GRM7: variants seen among roughly 807,000 people sequenced by gnomAD.
GRM7 encodes metabotropic glutamate receptor 7.
In GRM7, 35 loss-of-function variants were observed where a neutral mutation model predicts 84.5. The ratio of observed to expected loss-of-function variants is 0.41; its 90% CI spans 0.32 to 0.55. The LOEUF is 0.55. Ranked by LOEUF, GRM7 falls within the 20% of genes least tolerant of loss-of-function variation. GRM7 has a pLI of 0.19. For missense variants in GRM7, 1,003 were observed against 1,194.6 expected (o/e 0.84, Z 2.36); for synonymous variants, 487 against 455.1 (o/e 1.07, Z -0.89).
At chr3:7,228,941 G>T (rs1210401230) in intron 2 of GRM7, among the ~76,000 whole-genome samples, 1 of 152,210 alleles carries the variant, frequency 6.6e-6, no homozygotes, top group Non-Finnish European at 1.5e-5. Flanking sequence ...AATAACTTGA[G>T]AAATGTTGAC....
chr3:7,207,778 A>T (rs1696287481), intron 2 of GRM7, among the ~76,000 whole-genome samples: 1 of 152,240 alleles, frequency 6.6e-6, no homozygotes, highest in African/African-American at 2.4e-5. Flanking sequence ...TTAAAACACT[A>T]CTAGCACAAC....
intron 8 of GRM7, among the ~76,000 whole-genome samples, chr3:7,646,358 A>AT (rs1173403522): frequency 6.6e-6 from 1 of 151,900 alleles, no homozygotes; most frequent in Non-Finnish European, 1.5e-5. Flanking sequence ...CACTCGGCTA[A>AT]TTTTTTTGTA....
intron 8 of GRM7, among the ~76,000 whole-genome samples, chr3:7,670,084 G>A (rs1298631620): frequency 1.3e-5 from 2 of 152,112 alleles, no homozygotes; most frequent in East Asian, 1.9e-4. Context: ...GACAACACAC[G>A]GCACATTACC....
intron 1 of GRM7, among the ~76,000 whole-genome samples, chr3:6,880,225 C>CAATA (rs1356678351): frequency 1.3e-5 from 2 of 152,144 alleles, no homozygotes; most frequent in African/African-American, 4.8e-5. Flanking sequence ...CAAAGAACCC[C>CAATA]AAATTCTACT....
intron 2 of GRM7, among the ~76,000 whole-genome samples, chr3:7,199,625 G>A (rs1236917812): frequency 6.6e-6 from 1 of 152,310 alleles, no homozygotes; most frequent in African/African-American, 2.4e-5. Context: ...TGTCACTACT[G>A]TAGAGGCTTC....
intron 8 of GRM7, among the ~76,000 whole-genome samples, chr3:7,613,478 C>T (rs1696939966): frequency 4.6e-5 from 7 of 152,124 alleles, no homozygotes; most frequent in Admixed American, 4.6e-4. Flanking sequence ...ATCCCTGACG[C>T]TCAGAAAAAT....
At position 6,874,185 on chromosome 3, in the gene GRM7, C is replaced by T. The variant is rs953613700; in HGVS notation, c.519+12278C>T. On this transcript the variant is annotated intron_variant, in intron 1 of 9. Transcript: ENST00000357716. The stretch of plus-strand genomic sequence containing the variant: ...CTAGATCCTTCTAAAGCACTAGGCA[C>T]ATTGTTTGGCATATAGCAAGTGCTC... 3.3e-5 allele frequency among the ~76,000 whole-genome samples: 5 copies of T among 152,316 alleles called. No homozygotes were observed. In the South Asian group the frequency reaches 8.3e-4, roughly 25 times the overall value.
intron 8 of GRM7, among the ~76,000 whole-genome samples, chr3:7,665,478 C>T (rs1014268763): frequency 9.2e-5 from 14 of 152,016 alleles, no homozygotes; most frequent in Admixed American, 7.2e-4. Context: ...CCCGGCCTTG[C>T]CCATGATTCT....
intron 2 of GRM7, among the ~76,000 whole-genome samples, chr3:7,239,281 G>T (rs536206749): frequency 1.3e-5 from 2 of 152,010 alleles, no homozygotes; most frequent in African/African-American, 2.4e-5. Flanking sequence ...GTTTATATAC[G>T]TGAGCCACTG....
chr3:7,690,993 C>T (rs944651872), intron 9 of GRM7: 4 of 358,884 alleles, frequency 1.1e-5, no homozygotes, highest in African/African-American at 8.6e-5. Context: ...AGAGGTGACC[C>T]TTGTGACTCG....
At chr3:7,236,196 A>G (rs1191844711) in intron 2 of GRM7, among the ~76,000 whole-genome samples, 1 of 152,182 alleles carries the variant, frequency 6.6e-6, no homozygotes, top group Non-Finnish European at 1.5e-5. Context: ...ATCTATTAAT[A>G]CTATTGCATT....
chr3:7,694,432 C>A, intron 9 of GRM7: 3 of 944,592 alleles, frequency 3.2e-6, no homozygotes, highest in Non-Finnish European at 3.8e-6. Flanking sequence ...CATCCTGTAC[C>A]ACACATAATA....
chr3:7,071,983 A>G (rs1019432470), intron 1 of GRM7, among the ~76,000 whole-genome samples: 1 of 152,142 alleles, frequency 6.6e-6, no homozygotes. Context: ...GTAAAATGTT[A>G]AATTCAGTTT....
intron 5 of GRM7, among the ~76,000 whole-genome samples, chr3:7,431,086 A>T (rs1696810814): frequency 6.6e-6 from 1 of 152,144 alleles, no homozygotes; most frequent in Non-Finnish European, 1.5e-5. Context: ...CAGGGGTTCC[A>T]CATCTTCAGC....
rs184067688 is a variant in GRM7, at chr3:7,019,878, A to G, written c.520-126574A>G. On this transcript the variant is annotated intron_variant, in intron 1 of 9. Coordinates refer to ENST00000357716, the MANE Select transcript of GRM7 (RefSeq NM_000844.4). ...CAGAAAAACAATAACAACTATTTTT[A>G]GAGCACCTACTATATGGTCAGGTGG... 5.5e-4 allele frequency among the ~76,000 whole-genome samples: 84 copies of G among 152,368 alleles called. No individual in the cohort carries two copies. In the East Asian group the frequency reaches 0.011, roughly 20 times the overall value.
At chr3:7,725,105 T>C (rs940810648) in intron 9 of GRM7, among the ~76,000 whole-genome samples, 5 of 152,096 alleles carry the variant, frequency 3.3e-5, no homozygotes, top group African/African-American at 1.2e-4. Context: ...GAAAATACAT[T>C]GAAATATAAA....
At chr3:6,901,366 A>C (rs920288382) in intron 1 of GRM7, among the ~76,000 whole-genome samples, 1 of 152,008 alleles carries the variant, frequency 6.6e-6, no homozygotes, top group Admixed American at 6.5e-5. Context: ...TTGGGAGGCC[A>C]AGGTGGGTGG....
At chr3:7,099,852 A>T (rs542011836) in intron 1 of GRM7, among the ~76,000 whole-genome samples, 9 of 139,420 alleles carry the variant, frequency 6.5e-5, no homozygotes, top group Non-Finnish European at 1.4e-4. Flanking sequence ...CGCATTATAC[A>T]TGTGCACATA....
At chr3:7,475,355 TA>T (rs1462804719) in intron 7 of GRM7, among the ~76,000 whole-genome samples, 4 of 152,170 alleles carry the variant, frequency 2.6e-5, no homozygotes. Context: ...ATTGGAAAGG[TA>T]ACTGGCTTTT....
Sources: allele counts gnomAD v4.1 joint callset (sites outside exome capture counted in the v4.1 genomes callset), GRCh38; gene constraint gnomAD v4.1.1; transcripts MANE v1.5; gene names NCBI Gene and HGNC (gene_info 2026-07-23, HGNC 2026-07-21).